Variants in STARD13 observed in about 807,000 individuals in gnomAD.
STARD13 encodes the protein StAR related lipid transfer domain containing 13.
A neutral mutation model predicts 106.4 loss-of-function variants in STARD13; 62 were observed. The observed-to-expected ratio is 0.58, with a 90% CI of 0.48 to 0.72. The LOEUF (loss-of-function observed/expected upper bound fraction) is 0.72. Among genes scored for constraint, STARD13 ranks in the 30% least tolerant of loss-of-function variants. STARD13 has a pLI of 0.00. For missense variants in STARD13, 1,387 were observed against 1,424.0 expected, an observed-to-expected ratio of 0.97 and a Z score of 0.42; for synonymous variants, 565 against 553.0, an observed-to-expected ratio of 1.02 and a Z score of -0.31.
chr13:33,322,394 C>T (rs3848097), intron 1 of STARD13, among the ~76,000 whole-genome samples: 92,258 of 152,082 alleles, frequency 0.61, 29,566 homozygotes, highest in East Asian at 0.94. Flanking sequence ...CCGTTCTCCA[C>T]GCAGTTTAGC....
At chr13:33,149,982 T>C (rs544517228) in intron 3 of STARD13, among the ~76,000 whole-genome samples, 2 of 152,340 alleles carry the variant, frequency 1.3e-5, no homozygotes, top group East Asian at 3.9e-4. Flanking sequence ...CTTGGAAAAC[T>C]GTTCCTGCAT....
chr13:33,487,434 T>A, the STARD13 span, among the ~76,000 whole-genome samples: 1 of 152,202 alleles, frequency 6.6e-6, no homozygotes, highest in Non-Finnish European at 1.5e-5. Flanking sequence ...CTACATCCCT[T>A]ATAAATGAGG....
chr13:33,536,256 G>A, the STARD13 span, among the ~76,000 whole-genome samples: 1 of 152,134 alleles, frequency 6.6e-6, no homozygotes, highest in Non-Finnish European at 1.5e-5. Context: ...TACATCATAC[G>A]TATTTTTAAA....
chr13:33,441,727 A>T, the STARD13 span, among the ~76,000 whole-genome samples: 31 of 152,312 alleles, frequency 2.0e-4, no homozygotes, highest in Middle Eastern at 3.4e-3. Context: ...ATGCAGTTAA[A>T]GCTTTGTCCT....
Position 33,275,498 on chromosome 13 carries a change from A to T in STARD13, c.169+9972T>A, listed in dbSNP as rs144796927. Among the ~76,000 whole-genome samples the T allele has an allele frequency of 5.5e-3, 837 of 152,276 alleles. 5 individuals carry two copies. The highest frequency in any genetic ancestry group is 8.5e-3 in the South Asian group (41 of 4,822). On this transcript the variant is annotated intron_variant, in intron 1 of 13. Transcript: ENST00000336934. The stretch of plus-strand genomic sequence containing the variant: ...TTGCTCTTTTAATGCCATTTTACCC[A>T]CAGAGGAACAAAAGCTAAGAAACAT...
intron 1 of STARD13, among the ~76,000 whole-genome samples, chr13:33,205,321 A>G (rs1887339880): frequency 6.6e-6 from 1 of 152,254 alleles, no homozygotes; most frequent in Admixed American, 6.5e-5. Context: ...AACACCAATA[A>G]CATTATTTGG....
upstream of STARD13, chr13:33,355,065 C>T (rs147490856): frequency 4.1e-4 from 62 of 152,212 alleles, no homozygotes; most frequent in Middle Eastern, 3.4e-3. Flanking sequence ...TTAAAGCTTT[C>T]ACAATTTTGA....
the STARD13 span, among the ~76,000 whole-genome samples, chr13:33,615,189 G>T: frequency 6.6e-6 from 1 of 152,134 alleles, no homozygotes; most frequent in African/African-American, 2.4e-5. Context: ...CTGTGTTTTT[G>T]CCTGGAGCAA....
At chr13:33,182,471 T>C (rs1885335508) in intron 1 of STARD13, among the ~76,000 whole-genome samples, 1 of 152,158 alleles carries the variant, frequency 6.6e-6, no homozygotes, top group African/African-American at 2.4e-5. Flanking sequence ...CCCACCTCTG[T>C]CTCCTGGACT....
chr13:33,623,035 G>A, the STARD13 span, among the ~76,000 whole-genome samples: 1 of 152,126 alleles, frequency 6.6e-6, no homozygotes, highest in African/African-American at 2.4e-5. Flanking sequence ...GGAGGCGGAG[G>A]TTGCAGTGAG....
intron 1 of STARD13, among the ~76,000 whole-genome samples, chr13:33,239,764 T>C (rs1889372997): frequency 6.6e-6 from 1 of 152,170 alleles, no homozygotes; most frequent in Non-Finnish European, 1.5e-5. Context: ...TGTTGTTAAG[T>C]TGTAGAAGTT....
chr13:33,330,380 T>C (rs2077822794), intron 1 of STARD13, among the ~76,000 whole-genome samples: 2 of 152,208 alleles, frequency 1.3e-5, no homozygotes, highest in Admixed American at 6.5e-5. Context: ...TTATTGGCAT[T>C]CTGAATTTCC....
chr13:33,152,416 CAAA>C (rs34146261), intron 3 of STARD13, among the ~76,000 whole-genome samples: 2 of 138,194 alleles, frequency 1.4e-5, no homozygotes, highest in Non-Finnish European at 1.6e-5. Flanking sequence ...TTCAGTCATA[CAAA>C]AAAAAAAAAA....
At chr13:33,124,718 A>AG (rs1469402041) in intron 7 of STARD13, among the ~76,000 whole-genome samples, 2 of 21,028 alleles carry the variant, frequency 9.5e-5, no homozygotes, top group African/African-American at 2.0e-4. Flanking sequence ...CTCTAAGATT[A>AG]AAAAAATTAA....
chr13:33,193,474 C>T (rs116509527), intron 1 of STARD13, among the ~76,000 whole-genome samples: 67 of 152,264 alleles, frequency 4.4e-4, no homozygotes, highest in Middle Eastern at 3.4e-3. Context: ...GAACACAACT[C>T]GAGGCTCTTT....
At chr13:33,199,598 CAG>C (rs1390438394) in intron 1 of STARD13, among the ~76,000 whole-genome samples, 2 of 152,234 alleles carry the variant, frequency 1.3e-5, no homozygotes, top group African/African-American at 4.8e-5. Context: ...ATGCCTGCCA[CAG>C]AGAGGTCACT....
chr13:33,116,701 A>G (rs989123595), intron 8 of STARD13, among the ~76,000 whole-genome samples: 3 of 152,256 alleles, frequency 2.0e-5, no homozygotes, highest in Non-Finnish European at 2.9e-5. Context: ...ACTTAATTGA[A>G]AAATGTAGTT....
the STARD13 span, among the ~76,000 whole-genome samples, chr13:33,644,512 C>T: frequency 6.6e-6 from 1 of 151,796 alleles, no homozygotes; most frequent in Non-Finnish European, 1.5e-5. Flanking sequence ...ACAGAGATGA[C>T]AGAAGTTTAG....
chr13:33,501,476 T>C, the STARD13 span, among the ~76,000 whole-genome samples: 4 of 152,164 alleles, frequency 2.6e-5, no homozygotes, highest in South Asian at 8.3e-4. Context: ...ATGTCCTTAA[T>C]GGTATTGCCT....
Sources: allele counts gnomAD v4.1 joint callset (sites outside exome capture counted in the v4.1 genomes callset), GRCh38; gene constraint gnomAD v4.1.1; transcripts MANE v1.5; gene names NCBI Gene and HGNC (gene_info 2026-07-23, HGNC 2026-07-21).